Variants in MMP26 observed in about 807,000 individuals in gnomAD.
MMP26 encodes the protein matrix metallopeptidase 26.
A neutral mutation model predicts 31.0 loss-of-function variants in MMP26; 33 were observed. The ratio of observed to expected loss-of-function variants is 1.06; its 90% CI spans 0.81 to 1.42. The LOEUF (loss-of-function observed/expected upper bound fraction) is 1.42. Ranked by LOEUF, MMP26 falls within the 40% of genes most tolerant of loss-of-function variation. The pLI is 0.00. For missense variants in MMP26, 347 were observed against 316.1 expected, an observed-to-expected ratio of 1.10 and a Z score of -0.74; for synonymous variants, 122 against 114.9, an observed-to-expected ratio of 1.06 and a Z score of -0.40.
At chr11:4,971,532 C>T (rs909738775) in intron 2 of MMP26, among the ~76,000 whole-genome samples, 2 of 152,038 alleles carry the variant, frequency 1.3e-5, no homozygotes, top group Non-Finnish European at 2.9e-5. Flanking sequence ...TTGGGCTCAA[C>T]TCTAAATGAA....
chr11:4,907,609 C>T (rs1197745511), intron 2 of MMP26: 2 of 1,613,782 alleles, frequency 1.2e-6, no homozygotes, highest in African/African-American at 1.3e-5. Flanking sequence ...CCCTTCCTAC[C>T]ATGTTGAGGG....
At chr11:4,711,241 A>G (rs1847858505) in intron 1 of MMP26, 1 of 152,216 alleles carries the variant, frequency 6.6e-6, no homozygotes, top group South Asian at 2.1e-4. Context: ...CAACAAGTTA[A>G]ATACTGATAC....
At chr11:4,892,131 A>T (rs1850633716) in intron 2 of MMP26, among the ~76,000 whole-genome samples, 1 of 152,114 alleles carries the variant, frequency 6.6e-6, no homozygotes, top group African/African-American at 2.4e-5. Flanking sequence ...ACAAAACCAC[A>T]AACTTTTCAA....
At position 4,939,034 on chromosome 11, in the gene MMP26, A is replaced by C. The variant is rs541274440; in HGVS notation, c.-144-49034A>C. Among the ~76,000 whole-genome samples, 9 of 152,214 alleles carry C rather than the reference A, an allele frequency of 5.9e-5. No individual in the cohort carries two copies. In the South Asian group the frequency reaches 1.4e-3, roughly 25 times the overall value. ...CAGATTAGTTTTCTTCCTTGAATTG[A>C]GTTGATATATGTTTCTTAAATTTGT... On this transcript the variant is annotated intron_variant, in intron 2 of 7. Transcript: ENST00000380390.
intron 2 of MMP26, chr11:4,848,351 G>C (rs1487395505): frequency 1.2e-6 from 2 of 1,614,102 alleles, no homozygotes; most frequent in South Asian, 2.2e-5. Flanking sequence ...GAAGGAAATG[G>C]ACATAGGATA....
At chr11:4,980,237 G>A (rs1846793526) in intron 2 of MMP26, among the ~76,000 whole-genome samples, 1 of 151,894 alleles carries the variant, frequency 6.6e-6, no homozygotes, top group East Asian at 1.9e-4. Flanking sequence ...TCCTCTTCCG[G>A]CCATTTGGTT....
intron 1 of MMP26, among the ~76,000 whole-genome samples, chr11:4,726,122 G>A (rs7102381): frequency 0.63 from 96,420 of 152,034 alleles, 32,101 homozygotes; most frequent in African/African-American, 0.85. Flanking sequence ...TCCAAGAGAA[G>A]CCCCCCAAAC....
intron 1 of MMP26, among the ~76,000 whole-genome samples, chr11:4,730,688 G>A (rs983333558): frequency 1.1e-4 from 16 of 152,136 alleles, no homozygotes; most frequent in Non-Finnish European, 2.1e-4. Flanking sequence ...GGAGCAGTAA[G>A]ACATCCCTTA....
At chr11:4,804,465 A>G (rs762951112) in intron 2 of MMP26, 1 of 1,078,908 alleles carries the variant, frequency 9.3e-7, no homozygotes, top group East Asian at 2.4e-5. Context: ...TATTATATAC[A>G]AGGCTTTTGG....
intron 2 of MMP26, chr11:4,803,888 T>A (rs777791490): frequency 6.2e-7 from 1 of 1,612,062 alleles, no homozygotes; most frequent in African/African-American, 1.3e-5. Flanking sequence ...CTAGACACCA[T>A]GAAGCAGAAG....
chr11:4,836,873 T>A (rs1351367931), intron 2 of MMP26, among the ~76,000 whole-genome samples: 1 of 151,686 alleles, frequency 6.6e-6, no homozygotes, highest in African/African-American at 2.4e-5. Flanking sequence ...TTCACCATAC[T>A]GGCCAGGCTG....
intron 1 of MMP26, among the ~76,000 whole-genome samples, chr11:4,725,369 TA>T (rs1051673496): frequency 6.6e-6 from 1 of 152,236 alleles, no homozygotes; most frequent in Non-Finnish European, 1.5e-5. Context: ...AACGCATATA[TA>T]ACAGTCTTCT....
At chr11:4,893,328 C>T (rs960572618) in intron 2 of MMP26, among the ~76,000 whole-genome samples, 3 of 152,082 alleles carry the variant, frequency 2.0e-5, no homozygotes. Flanking sequence ...AAAATCTATA[C>T]TTCTTACCAT....
At chr11:4,835,428 T>C (rs1447285822) in intron 2 of MMP26, among the ~76,000 whole-genome samples, 16 of 149,770 alleles carry the variant, frequency 1.1e-4, no homozygotes, top group Admixed American at 9.3e-4. Context: ...AATTTTTTTT[T>C]CCCCTTAACT....
At chr11:4,957,040 G>T (rs1398610469) in intron 2 of MMP26, among the ~76,000 whole-genome samples, 2 of 152,190 alleles carry the variant, frequency 1.3e-5, no homozygotes, top group African/African-American at 2.4e-5. Flanking sequence ...TAAGATCACA[G>T]AAGTGTTGTA....
At chr11:4,775,602 G>T (rs771330685) in intron 2 of MMP26, among the ~76,000 whole-genome samples, 1 of 152,088 alleles carries the variant, frequency 6.6e-6, no homozygotes, top group Non-Finnish European at 1.5e-5. Flanking sequence ...GGTTTATTTG[G>T]CTCATGGTTC....
intron 1 of MMP26, among the ~76,000 whole-genome samples, chr11:4,759,791 T>A (rs1300161458): frequency 6.6e-6 from 1 of 152,168 alleles, no homozygotes; most frequent in Non-Finnish European, 1.5e-5. Context: ...ATGTCACCAG[T>A]TTGCACATGC....
rs1315477619 is a variant in MMP26 at position 4,848,661 on chromosome 11, G to A, written c.-145+81320G>A. ...ATCTGGATGCAAGCAATAAGAATGGGTTAGGACCTGTGGGAGGCAGTAGGG... is the reference window on the plus strand; with the variant it reads ...ATCTGGATGCAAGCAATAAGAATGGATTAGGACCTGTGGGAGGCAGTAGGG... On this transcript the variant is annotated intron_variant, in intron 2 of 7. Coordinates refer to ENST00000380390, the MANE Select transcript of MMP26 (RefSeq NM_021801.5). 11 of 1,613,790 alleles carry A rather than the reference G, an allele frequency of 6.8e-6. No individual in the cohort carries two copies. In the East Asian group the frequency reaches 8.9e-5, roughly 13 times the overall value.
At chr11:4,953,062 G>C (rs1846389522) in intron 2 of MMP26, among the ~76,000 whole-genome samples, 1 of 125,322 alleles carries the variant, frequency 8.0e-6, no homozygotes, top group Non-Finnish European at 1.8e-5. Flanking sequence ...TGAGGTCATA[G>C]TGGGAAGGAA....
Sources: gnomAD v4.1 joint callset for allele counts (sites outside exome capture counted in the v4.1 genomes callset) on GRCh38, gnomAD v4.1.1 for gene constraint, MANE v1.5 for transcripts, NCBI Gene and HGNC (gene_info 2026-07-23, HGNC 2026-07-21) for gene names.